The following SEMA6D variants were observed in gnomAD, a reference collection of about 807,000 sequenced individuals.
SEMA6D encodes semaphorin 6D.
SEMA6D carries 35 observed loss-of-function variants against 106.6 expected under a neutral mutation model. The ratio of observed to expected loss-of-function variants is 0.33; its 90% CI spans 0.25 to 0.44. The LOEUF (loss-of-function observed/expected upper bound fraction) is 0.44. Ranked by LOEUF, SEMA6D falls within the 20% of genes least tolerant of loss-of-function variation. The probability of loss-of-function intolerance (pLI) is 1.00; values close to 1 mark genes in which losing one functional copy is unlikely to be tolerated. For synonymous variants in SEMA6D, 499 were observed against 487.7 expected (o/e 1.02, Z -0.31); for missense variants, 1,185 against 1,345.9 (o/e 0.88, Z 1.87).
intron 1 of SEMA6D, among the ~76,000 whole-genome samples, chr15:47,386,023 G>C (rs893253744): frequency 6.6e-6 from 1 of 152,154 alleles, no homozygotes; most frequent in African/African-American, 2.4e-5. Flanking sequence ...ATTTGATAAT[G>C]CATACCTCAC....
rs369751664 is a variant in SEMA6D at position 47,743,679 on chromosome 15, G to A, written c.-54-16066G>A. On this transcript the variant is annotated intron_variant, in intron 1 of 18. Coordinates refer to ENST00000536845, the MANE Select transcript of SEMA6D (RefSeq NM_001358351.3). Reference sequence around the variant, plus strand: ...GAGGAATCAGTCATGAAGAGGAAGGGACAAGAAGAGCATTCCAGGTAGTGA... The same window carrying A: ...GAGGAATCAGTCATGAAGAGGAAGGAACAAGAAGAGCATTCCAGGTAGTGA... 3.3e-5 allele frequency among the ~76,000 whole-genome samples: 5 copies of A among 152,262 alleles called. No individual in the cohort carries two copies. In the East Asian group the frequency reaches 9.6e-4, roughly 29 times the overall value.
chr15:47,432,562 C>CGCATAGGTATATACATATACACCTATAT (rs1567075659), intron 2 of SEMA6D, among the ~76,000 whole-genome samples: 4 of 43,260 alleles, frequency 9.2e-5, no homozygotes, highest in African/African-American at 2.9e-4. Context: ...TATACATATA[C>CGCATAGGTATATACATATACACCTATAT]GCATATGTAT....
intron 4 of SEMA6D, among the ~76,000 whole-genome samples, chr15:47,701,718 G>T (rs1178170954): frequency 1.3e-5 from 2 of 152,138 alleles, no homozygotes; most frequent in Non-Finnish European, 2.9e-5. Context: ...ATGTAATGTA[G>T]CATAGCGAAA....
At chr15:47,506,856 T>C (rs1042919882) in intron 3 of SEMA6D, among the ~76,000 whole-genome samples, 1 of 152,172 alleles carries the variant, frequency 6.6e-6, no homozygotes, top group Admixed American at 6.5e-5. Context: ...TACATCACTT[T>C]AGATCCAGAC....
intron 1 of SEMA6D, among the ~76,000 whole-genome samples, chr15:47,387,690 G>A (rs568125185): frequency 9.0e-4 from 137 of 152,214 alleles, no homozygotes; most frequent in African/African-American, 3.1e-3. Flanking sequence ...GATAAAGTTG[G>A]GATCTCATTA....
chr15:47,573,693 A>G (rs2076105650), intron 3 of SEMA6D, among the ~76,000 whole-genome samples: 1 of 152,220 alleles, frequency 6.6e-6, no homozygotes, highest in African/African-American at 2.4e-5. Context: ...AACATGTCCC[A>G]TGCTGAATAT....
At chr15:47,407,368 C>CAAAAAAAA (rs779136178) in intron 1 of SEMA6D, among the ~76,000 whole-genome samples, 1 of 47,870 alleles carries the variant, frequency 2.1e-5, no homozygotes, top group African/African-American at 8.6e-5. Flanking sequence ...GACTCTATCT[C>CAAAAAAAA]AAAAAAAAAA....
At chr15:47,370,683 T>TAAAA (rs376454672) in intron 1 of SEMA6D, among the ~76,000 whole-genome samples, 20 of 95,168 alleles carry the variant, frequency 2.1e-4, no homozygotes, top group African/African-American at 8.5e-4. Context: ...CGTCTCTACT[T>TAAAA]AAAAAAAAAA....
chr15:47,705,078 G>T (rs2078888533), intron 4 of SEMA6D, among the ~76,000 whole-genome samples: 1 of 152,210 alleles, frequency 6.6e-6, no homozygotes, highest in Middle Eastern at 3.4e-3. Flanking sequence ...AAGCACTCGG[G>T]ATAAATATAA....
intron 3 of SEMA6D, among the ~76,000 whole-genome samples, chr15:47,528,566 G>T (rs1000684227): frequency 1.3e-5 from 2 of 152,150 alleles, no homozygotes; most frequent in African/African-American, 4.8e-5. Flanking sequence ...GGAATGAAGG[G>T]ATATTTTTCT....
At chr15:47,532,993 C>A (rs1435550925) in intron 3 of SEMA6D, among the ~76,000 whole-genome samples, 1 of 152,000 alleles carries the variant, frequency 6.6e-6, no homozygotes, top group African/African-American at 2.4e-5. Context: ...GCTACCAAGT[C>A]TGAGGAAGAA....
intron 4 of SEMA6D, among the ~76,000 whole-genome samples, chr15:47,697,061 C>T (rs1043015782): frequency 5.3e-5 from 8 of 152,078 alleles, no homozygotes; most frequent in African/African-American, 1.2e-4. Context: ...TAAATTTTTA[C>T]GAAATTGTTG....
At chr15:47,641,799 A>G (rs1018329349) in intron 4 of SEMA6D, among the ~76,000 whole-genome samples, 1 of 152,064 alleles carries the variant, frequency 6.6e-6, no homozygotes, top group South Asian at 2.1e-4. Context: ...ATAAAACGTC[A>G]TGCTCCCCAC....
At chr15:47,311,050 A>G (rs565061017) in intron 1 of SEMA6D, among the ~76,000 whole-genome samples, 286 of 152,344 alleles carry the variant, frequency 1.9e-3, no homozygotes, top group African/African-American at 6.6e-3. Flanking sequence ...TGGAATTTCA[A>G]TCAAAGCTCG....
intron 1 of SEMA6D, among the ~76,000 whole-genome samples, chr15:47,245,367 T>A (rs1443557042): frequency 6.6e-6 from 1 of 152,190 alleles, no homozygotes; most frequent in East Asian, 1.9e-4. Flanking sequence ...ATAGTAGCCA[T>A]CCTGATGGAC....
chr15:47,689,600 C>T (rs2078541512), intron 4 of SEMA6D, among the ~76,000 whole-genome samples: 1 of 152,202 alleles, frequency 6.6e-6, no homozygotes, highest in Non-Finnish European at 1.5e-5. Context: ...GAGGAAGGGC[C>T]TCTACTTCCT....
Position 47,768,535 on chromosome 15 carries a change from A to C in SEMA6D, c.1766-46A>C, listed in dbSNP as rs1197525341. On this transcript the variant is annotated intron_variant, in intron 17 of 18. Transcript: ENST00000536845. ...AAAATGCAACAGACCAATCAAAAAA[A>C]ATCTTGACACTATCCATATTAATAA... is the stretch of plus-strand genomic sequence containing the variant. 3.5e-6 allele frequency: 5 copies of C among 1,437,290 alleles called. No individual in the cohort carries two copies. The South Asian group carries it at 6.5e-5, about 19-fold the overall frequency. The allele number at this position is 1,437,290 out of a possible 1,614,324, so 89.0% of individuals were successfully genotyped here.
intron 3 of SEMA6D, among the ~76,000 whole-genome samples, chr15:47,577,815 A>G (rs1255050076): frequency 2.0e-5 from 3 of 152,238 alleles, no homozygotes; most frequent in African/African-American, 7.2e-5. Context: ...AGCGTGTTCT[A>G]TTCTTGCCTG....
At chr15:47,230,166 C>A (rs1365450315) in intron 1 of SEMA6D, among the ~76,000 whole-genome samples, 1 of 152,040 alleles carries the variant, frequency 6.6e-6, no homozygotes, top group African/African-American at 2.4e-5. Flanking sequence ...AAACTTTTAT[C>A]TTAACCTATA....
Sources: gnomAD v4.1 joint callset for allele counts (sites outside exome capture counted in the v4.1 genomes callset) on GRCh38, gnomAD v4.1.1 for gene constraint, MANE v1.5 for transcripts, NCBI Gene and HGNC (gene_info 2026-07-23, HGNC 2026-07-21) for gene names.